The following PREX2 variants were observed in gnomAD, a reference collection of about 807,000 sequenced individuals.
The protein encoded by PREX2 is phosphatidylinositol-3,4,5-trisphosphate dependent Rac exchange factor 2, also known as phosphatidylinositol 3,4,5-trisphosphate-dependent Rac exchanger 2 protein.
In PREX2, 107 loss-of-function variants were observed where a neutral mutation model predicts 203.2. That is an observed-to-expected ratio of 0.53 (90% CI 0.45 to 0.62). The LOEUF is 0.62. Ranked by LOEUF, PREX2 falls within the 20% of genes least tolerant of loss-of-function variation. The pLI is 0.00. For synonymous variants in PREX2, 672 were observed against 663.6 expected, an observed-to-expected ratio of 1.01 and a Z score of -0.19; for missense variants, 1,777 against 1,955.9, an observed-to-expected ratio of 0.91 and a Z score of 1.72.
At position 68,040,965 on chromosome 8, in the gene PREX2, A is replaced by C. The variant is rs1371611089; in HGVS notation, c.839+2673A>C. Among the ~76,000 whole-genome samples the C allele has an allele frequency of 3.3e-5, 5 of 152,170 alleles. No homozygotes were observed. The East Asian group carries it at 9.6e-4, about 29-fold the overall frequency. On this transcript the variant is annotated intron_variant, in intron 7 of 39. Coordinates refer to ENST00000288368, the MANE Select transcript of PREX2 (RefSeq NM_024870.4). ...GCATGAATATACTTTTTTCTTGAGA[A>C]TGTTCTTACTTTATGGGATGTTTCC...
chr8:68,171,727 A>G (rs1811881956), intron 35 of PREX2, among the ~76,000 whole-genome samples: 1 of 152,188 alleles, frequency 6.6e-6, no homozygotes, highest in South Asian at 2.1e-4. Context: ...GTATATAGAA[A>G]TAGAAGATTT....
Position 68,108,096 on chromosome 8 carries a change from C to T in PREX2, c.2716-13C>T. 6.3e-7 allele frequency: 1 copy of T among 1,582,192 alleles called. No homozygotes were observed. The highest frequency in any genetic ancestry group is 1.8e-5 in the Admixed American group (1 of 56,734). ...TGTGTTCAACTGCTTTTTATGTTTT[C>T]TTTAATTTGCAGTTTTCTCGTGTAC... is the stretch of plus-strand genomic sequence containing the variant. On this transcript the variant is annotated splice_polypyrimidine_tract_variant and intron_variant, in intron 23 of 39. Coordinates refer to ENST00000288368, the MANE Select transcript of PREX2 (RefSeq NM_024870.4).
chr8:68,207,564 C>T (rs372326919), intron 37 of PREX2, among the ~76,000 whole-genome samples: 8 of 151,816 alleles, frequency 5.3e-5, no homozygotes, highest in African/African-American at 1.9e-4. Flanking sequence ...CCAGTACAGC[C>T]TGGTGGTGGT....
At position 67,985,681 on chromosome 8, in the gene PREX2, G is replaced by A. The variant is rs577029807; in HGVS notation, c.142-32165G>A. On this transcript the variant is annotated intron_variant, in intron 1 of 39. Transcript: ENST00000288368. Reference sequence around the variant, plus strand: ...TCAGAGGCAGAGACTCCCCAGGAGGGCCGCTGAGTACAGTAGGCTGTAAGG... The same window carrying A: ...TCAGAGGCAGAGACTCCCCAGGAGGACCGCTGAGTACAGTAGGCTGTAAGG... Among the ~76,000 whole-genome samples, 246 of 152,304 alleles carry A rather than the reference G, an allele frequency of 1.6e-3. 1 individual carries two copies. Among genetic ancestry groups the A allele is most frequent in the Admixed American group, 3.2e-3 (49 of 15,300 alleles).
chr8:68,183,278 A>T (rs1490691184), intron 35 of PREX2, among the ~76,000 whole-genome samples: 1 of 152,156 alleles, frequency 6.6e-6, no homozygotes, highest in African/African-American at 2.4e-5. Context: ...TCATAGTGTC[A>T]TTGTAAGAAT....
Position 68,124,087 on chromosome 8 carries a change from C to A in PREX2, c.3724+3038C>A, listed in dbSNP as rs536738804. The stretch of plus-strand genomic sequence containing the variant: ...CCTACCATGATCAAGTAGTCTTTAT[C>A]CTTGGGACGCAAAGTTGGTTCAACA... On this transcript the variant is annotated intron_variant, in intron 30 of 39. Transcript: ENST00000288368. Among the ~76,000 whole-genome samples the A allele has an allele frequency of 2.6e-5, 4 of 152,220 alleles. No homozygotes were observed. The South Asian group carries it at 8.3e-4, about 32-fold the overall frequency.
chr8:68,039,615 C>T (rs1342915018), intron 7 of PREX2, among the ~76,000 whole-genome samples: 2 of 152,164 alleles, frequency 1.3e-5, no homozygotes, highest in Non-Finnish European at 2.9e-5. Context: ...TGAGGAGTCT[C>T]AACCACAGCA....
chr8:68,087,665 T>A, intron 18 of PREX2, 59 bp from the exon 19 acceptor site: 1 of 1,210,138 alleles, frequency 8.3e-7, no homozygotes, highest in Non-Finnish European at 1.2e-6. Flanking sequence ...TACACGACGA[T>A]TATTTCAACC....
At chr8:68,017,292 G>C (rs1459846213) in intron 1 of PREX2, among the ~76,000 whole-genome samples, 1 of 152,070 alleles carries the variant, frequency 6.6e-6, no homozygotes, top group South Asian at 2.1e-4. Context: ...AAAAGGCTGG[G>C]GGTGGGCAAT....
chr8:68,120,621 A>G (rs1585810216), intron 29 of PREX2, among the ~76,000 whole-genome samples: 1 of 152,270 alleles, frequency 6.6e-6, no homozygotes, highest in South Asian at 2.1e-4. Flanking sequence ...TGGTGAGGAA[A>G]GGGTGTGGGG....
chr8:68,001,746 A>G (rs1806942765), intron 1 of PREX2, among the ~76,000 whole-genome samples: 1 of 152,234 alleles, frequency 6.6e-6, no homozygotes. Flanking sequence ...CACACATACC[A>G]CAGAATACTA....
At chr8:68,144,869 TGTTA>T (rs1330166618) in intron 33 of PREX2, among the ~76,000 whole-genome samples, 2 of 152,320 alleles carry the variant, frequency 1.3e-5, no homozygotes, top group African/African-American at 4.8e-5. Flanking sequence ...ATTTGTTCTA[TGTTA>T]GTTCTATAAT....
At chr8:67,964,192 A>T (rs1805707664) in intron 1 of PREX2, among the ~76,000 whole-genome samples, 1 of 152,178 alleles carries the variant, frequency 6.6e-6, no homozygotes, top group Admixed American at 6.5e-5. Context: ...AGTGGAGGGC[A>T]AGCACTCCCT....
chr8:68,029,550 A>G (rs1240645367), intron 5 of PREX2, among the ~76,000 whole-genome samples: 1 of 152,194 alleles, frequency 6.6e-6, no homozygotes, highest in Non-Finnish European at 1.5e-5. Context: ...CAACAATAAC[A>G]GAACTCAAAA....
In PREX2 at chr8:68,093,688, T is replaced by C. The variant is rs1809965048; in HGVS notation, c.2334T>C (p.Asp778=). The C allele has an allele frequency of 6.2e-7, 1 of 1,605,000 alleles. No homozygotes were observed. The highest frequency in any genetic ancestry group is 8.5e-7 in the Non-Finnish European group (1 of 1,171,964). Residue 778 remains aspartate, a synonymous_variant, in exon 21 of 40, where the codon GAT becomes GAC. Transcript: ENST00000288368. The part of the protein sequence containing the change: ...LQKSHSKPPG[D]EAGDAFDCKV... ...AATCTCACTCCAAGCCCCCTGGAGATGAAGCAGGGGATGCTTTTGACTGTA... is the reference window on the plus strand; with the variant it reads ...AATCTCACTCCAAGCCCCCTGGAGACGAAGCAGGGGATGCTTTTGACTGTA...
chr8:68,205,428 T>G (rs1812602346), intron 37 of PREX2, among the ~76,000 whole-genome samples: 1 of 152,224 alleles, frequency 6.6e-6, no homozygotes, highest in African/African-American at 2.4e-5. Flanking sequence ...CTCAAGACTT[T>G]CGCTTGTCAC....
chr8:68,202,754 CGAA>C (rs1812532449), intron 37 of PREX2, among the ~76,000 whole-genome samples: 1 of 152,052 alleles, frequency 6.6e-6, no homozygotes, highest in Non-Finnish European at 1.5e-5. Flanking sequence ...GACAGAGAGA[CGAA>C]GAAGGGACTT....
At position 68,087,793 on chromosome 8, in the gene PREX2, G is replaced by A. The variant is rs1461334177; in HGVS notation, c.2097G>A (p.Val699=). The A allele has an allele frequency of 1.2e-6, 2 of 1,613,104 alleles. No homozygotes were observed. The highest frequency in any genetic ancestry group is 1.7e-6 in the Non-Finnish European group (2 of 1,179,160). The change falls in exon 19 of 40, where the codon GTG becomes GTA. Residue 699 remains valine, a synonymous_variant. Coordinates refer to ENST00000288368, the MANE Select transcript of PREX2 (RefSeq NM_024870.4). The stretch of plus-strand genomic sequence containing the variant: ...TCCGGGGATTTGGCCCTTCTGTTGT[G>A]CATGCTGTAGGAAGAGGTAGGAAAT... The part of the protein sequence containing the change: ...FQIRGFGPSV[V]HAVGRGTVAA...
At position 68,157,359 on chromosome 8, in the gene PREX2, T is replaced by G; in HGVS notation, c.4269T>G (p.Asn1423Lys). Reference protein sequence around the residue: ...ESMEGYYYRDNVSVEEFQAQI... With the variant: ...ESMEGYYYRDKVSVEEFQAQI... ...TGGAAGGATATTATTACAGAGACAA[T>G]GTTTCTGTGGAAGAATTTCAAGCTC... The change falls in exon 35 of 40, where the codon AAT becomes AAG. Residue 1423 changes from asparagine (N) to lysine (K), a missense_variant. Transcript: ENST00000288368. 6.2e-7 allele frequency: 1 copy of G among 1,612,116 alleles called. No homozygotes were observed.
Sources: gnomAD v4.1 joint callset for allele counts (sites outside exome capture counted in the v4.1 genomes callset) on GRCh38, gnomAD v4.1.1 for gene constraint, MANE v1.5 for transcripts, NCBI Gene and HGNC (gene_info 2026-07-23, HGNC 2026-07-21) for gene names.